Variants in ABI3BP observed in about 807,000 individuals in gnomAD.
ABI3BP encodes the protein ABI family member 3 binding protein, also known as target of Nesh-SH3.
In ABI3BP, 216 loss-of-function variants were observed where a neutral mutation model predicts 268.6. That is an observed-to-expected ratio of 0.80 (90% CI 0.72 to 0.90). ABI3BP has a LOEUF of 0.90. ABI3BP is among the 40% of genes least tolerant of loss of function. ABI3BP has a pLI of 0.00. For missense variants in ABI3BP, 2,090 were observed against 2,182.4 expected (o/e 0.96, Z 0.84); for synonymous variants, 730 against 730.0 (o/e 1.00, Z 0.00).
intron 57 of ABI3BP, among the ~76,000 whole-genome samples, chr3:100,784,925 T>C (rs1208810094): frequency 3.3e-5 from 5 of 152,148 alleles, no homozygotes; most frequent in Non-Finnish European, 7.3e-5. Flanking sequence ...CTACAACTTA[T>C]TAGGTACAGT....
At chr3:100,986,062 A>T (rs983106808) in intron 1 of ABI3BP, among the ~76,000 whole-genome samples, 18 of 152,208 alleles carry the variant, frequency 1.2e-4, no homozygotes, top group African/African-American at 4.1e-4. Context: ...CACTTCTGTG[A>T]TTCAGCTACA....
intron 1 of ABI3BP, among the ~76,000 whole-genome samples, chr3:100,935,771 T>C (rs1162299110): frequency 6.6e-6 from 1 of 152,178 alleles, no homozygotes; most frequent in Non-Finnish European, 1.5e-5. Context: ...ATGATTTGGC[T>C]CTCTGTTTGT....
chr3:100,751,964 A>G (rs978482101), intron 66 of ABI3BP, among the ~76,000 whole-genome samples: 1 of 152,186 alleles, frequency 6.6e-6, no homozygotes, highest in African/African-American at 2.4e-5. Flanking sequence ...CAAACTCCAC[A>G]TGATTTCACA....
At chr3:100,939,852 G>A (rs965636450) in intron 1 of ABI3BP, among the ~76,000 whole-genome samples, 2 of 152,004 alleles carry the variant, frequency 1.3e-5, no homozygotes, top group African/African-American at 4.8e-5. Flanking sequence ...TTCACCCCTA[G>A]AGTCTATAGA....
intron 33 of ABI3BP, among the ~76,000 whole-genome samples, chr3:100,829,100 T>G (rs1477300107): frequency 1.3e-5 from 2 of 151,242 alleles, no homozygotes; most frequent in African/African-American, 2.4e-5. Context: ...CTTCCCCTGA[T>G]TTTCCCCTGA....
rs566943555 is a variant in ABI3BP at position 100,804,874 on chromosome 3, A to G, written c.3683-8T>C. ...GCTGGGGCACCTTAGGAACTGAAAG[A>G]GAGAACTCATATTGTAAGTCATTTG... On this transcript the variant is annotated splice_region_variant and splice_polypyrimidine_tract_variant and intron_variant, in intron 50 of 67. Transcript: ENST00000471714. The G allele has an allele frequency of 1.3e-4, 215 of 1,611,856 alleles. 1 individual carries two copies. In the South Asian group the frequency reaches 2.1e-3, roughly 16 times the overall value.
intron 39 of ABI3BP, 26 bp from the exon 40 acceptor site, chr3:100,820,329 T>G: frequency 6.6e-7 from 1 of 1,524,572 alleles, no homozygotes; most frequent in Non-Finnish European, 8.8e-7. Context: ...CTTTAGTTAC[T>G]ACAGAGTCCG....
At chr3:100,759,801 G>T (rs1422085326) in intron 63 of ABI3BP, among the ~76,000 whole-genome samples, 1 of 152,176 alleles carries the variant, frequency 6.6e-6, no homozygotes, top group Non-Finnish European at 1.5e-5. Context: ...AACAAGGAAG[G>T]AATTGGTCTG....
At chr3:100,802,731 A>G (rs1025196774) in intron 51 of ABI3BP, among the ~76,000 whole-genome samples, 3 of 149,838 alleles carry the variant, frequency 2.0e-5, no homozygotes, top group African/African-American at 7.3e-5. Flanking sequence ...ATACATTTTG[A>G]GATAAATGTC....
rs944563985 is a variant in ABI3BP at position 100,752,803 on chromosome 3, C to T, written c.5106G>A (p.Leu1702=). ...LCNSLRYKIY[L]SDSLTGKFYN... ...TCTGCTTACCTGTGAGGGAGTCGCTCAAGTAAATCTTGTATCTGAGAGAGT... is the reference window on the plus strand; with the variant it reads ...TCTGCTTACCTGTGAGGGAGTCGCTTAAGTAAATCTTGTATCTGAGAGAGT... Residue 1702 remains leucine, a synonymous_variant, in exon 66 of 68, where the codon TTG becomes TTA. Coordinates refer to ENST00000471714, the MANE Select transcript of ABI3BP (RefSeq NM_001375547.2). The T allele has an allele frequency of 1.9e-6, 3 of 1,613,018 alleles. No individual in the cohort carries two copies. Among genetic ancestry groups the T allele is most frequent in the Non-Finnish European group, 2.5e-6 (3 of 1,179,540 alleles).
intron 1 of ABI3BP, among the ~76,000 whole-genome samples, chr3:100,987,192 G>T (rs1401747183): frequency 2.6e-5 from 4 of 152,052 alleles, no homozygotes; most frequent in Non-Finnish European, 5.9e-5. Flanking sequence ...TTTTCTGAGG[G>T]TGGTGATCCA....
chr3:100,908,729 T>C (rs1561536444), intron 2 of ABI3BP, among the ~76,000 whole-genome samples: 1 of 152,284 alleles, frequency 6.6e-6, no homozygotes, highest in Non-Finnish European at 1.5e-5. Context: ...CAAGGAGAAC[T>C]ACAAACCACT....
chr3:100,972,737 C>T (rs1287813693), intron 1 of ABI3BP, among the ~76,000 whole-genome samples: 1 of 152,192 alleles, frequency 6.6e-6, no homozygotes, highest in East Asian at 1.9e-4. Flanking sequence ...CATCCTTTCA[C>T]ATCAACATGC....
At chr3:100,780,241 A>G (rs1475608940) in intron 57 of ABI3BP, 32 bp from the exon 58 acceptor site, 2 of 1,598,270 alleles carry the variant, frequency 1.3e-6, no homozygotes, top group Non-Finnish European at 1.7e-6. Context: ...GGGAATAAAC[A>G]TATAGCAAAA....
chr3:100,970,084 A>G (rs2153869022), intron 1 of ABI3BP, among the ~76,000 whole-genome samples: 1 of 152,246 alleles, frequency 6.6e-6, no homozygotes, highest in East Asian at 1.9e-4. Context: ...TGCAGCCTAA[A>G]ATCTACTATA....
chr3:100,840,072 C>CGG lies in ABI3BP; in HGVS notation c.1895_1896dup (p.Ala633ProfsTer77). ...ATTGGAACCTGAATATCACATTTAC[C>CGG]GGGTTTGGACTTGGGCACTTCTGGA... On this transcript the variant is annotated frameshift_variant and splice_region_variant, in exon 23 of 68. Transcript: ENST00000471714. LOFTEE classifies it high-confidence loss of function. 4.0e-6 allele frequency: 5 copies of CGG among 1,254,978 alleles called. No individual in the cohort carries two copies. The highest frequency in any genetic ancestry group is 5.2e-6 in the Non-Finnish European group (5 of 969,362). 77.7% of individuals were successfully genotyped at this position (1,254,978 alleles called of 1,614,324 possible). A position where few individuals can be genotyped will look rare whatever the true frequency, so the allele number is the denominator to read the frequency against.
chr3:100,913,893 A>G (rs1215214417), intron 2 of ABI3BP, among the ~76,000 whole-genome samples: 4 of 152,178 alleles, frequency 2.6e-5, no homozygotes, highest in Non-Finnish European at 5.9e-5. Context: ...CTGTTTATTC[A>G]TGTACCTCTA....
chr3:100,798,194 G>C (rs1196159420), intron 51 of ABI3BP, among the ~76,000 whole-genome samples: 1 of 152,150 alleles, frequency 6.6e-6, no homozygotes, highest in Non-Finnish European at 1.5e-5. Flanking sequence ...GTTTACTGAG[G>C]AATTTAGGCT....
rs1412125524 is a variant in ABI3BP, at chr3:100,811,269, A to G, written c.3502T>C (p.Ser1168Pro). The G allele has an allele frequency of 5.2e-6, 8 of 1,533,982 alleles. No homozygotes were observed. Among genetic ancestry groups the G allele is most frequent in the Non-Finnish European group, 7.0e-6 (8 of 1,145,770 alleles). The part of the protein sequence containing the change: ...PEEPKTEVVE[S>P]ITYVSEPPET... ...GGTGGTTCAGATACATATGTAATAGATTCCACAACTGTACCAAAACAAAGG... is the reference window on the plus strand; with the variant it reads ...GGTGGTTCAGATACATATGTAATAGGTTCCACAACTGTACCAAAACAAAGG... Residue 1168 changes from serine (S) to proline (P), a missense_variant, in exon 48 of 68, where the codon TCT becomes CCT. Coordinates refer to ENST00000471714, the MANE Select transcript of ABI3BP (RefSeq NM_001375547.2).
Sources: gnomAD v4.1 joint callset for allele counts (sites outside exome capture counted in the v4.1 genomes callset) on GRCh38, gnomAD v4.1.1 for gene constraint, MANE v1.5 for transcripts, NCBI Gene and HGNC (gene_info 2026-07-23, HGNC 2026-07-21) for gene names.